The following MARCHF1 variants were observed in gnomAD, a reference collection of about 807,000 sequenced individuals.
The protein encoded by MARCHF1 is E3 ubiquitin-protein ligase MARCHF1.
MARCHF1 carries 40 observed loss-of-function variants against 54.2 expected under a neutral mutation model. The ratio of observed to expected loss-of-function variants is 0.74; its 90% CI spans 0.57 to 0.96. The LOEUF is 0.96. MARCHF1 is among the 40% of genes least tolerant of loss of function. MARCHF1 has a pLI of 0.00. For synonymous variants in MARCHF1, 236 were observed against 236.3 expected (o/e 1.00, Z 0.01); for missense variants, 586 against 656.5 (o/e 0.89, Z 1.17).
At chr4:163,913,448 C>T (rs1488647665) in intron 3 of MARCHF1, among the ~76,000 whole-genome samples, 2 of 152,136 alleles carry the variant, frequency 1.3e-5, no homozygotes, top group South Asian at 4.1e-4. Context: ...TTTTTCAGTG[C>T]TCTAGTCTTA....
intron 5 of MARCHF1, among the ~76,000 whole-genome samples, chr4:163,666,252 C>T (rs780534495): frequency 1.1e-4 from 17 of 152,200 alleles, no homozygotes; most frequent in Middle Eastern, 3.4e-3. Context: ...AAGTTTTGAC[C>T]TTGATAACAT....
Position 163,772,058 on chromosome 4 carries a change from T to G in MARCHF1, c.112-71195A>C, listed in dbSNP as rs1438778058. Among the ~76,000 whole-genome samples the G allele has an allele frequency of 2.0e-5, 3 of 152,280 alleles. No individual in the cohort carries two copies. The East Asian group carries it at 5.8e-4, about 29-fold the overall frequency. On this transcript the variant is annotated intron_variant, in intron 4 of 9. Transcript: ENST00000514618. The stretch of plus-strand genomic sequence containing the variant: ...AGCAGAGGCATCACCTGGGAGTTTG[T>G]TAGAATCTCAGGCTCCAATTCAGAC...
chr4:164,371,761 T>C (rs954198280), intron 1 of MARCHF1, among the ~76,000 whole-genome samples: 6 of 152,186 alleles, frequency 3.9e-5, no homozygotes, highest in Non-Finnish European at 5.9e-5. Flanking sequence ...AAAACCAATA[T>C]GGAAAGATAG....
chr4:164,028,956 C>T (rs1374218554), intron 2 of MARCHF1, among the ~76,000 whole-genome samples: 1 of 152,102 alleles, frequency 6.6e-6, no homozygotes, highest in Non-Finnish European at 1.5e-5. Flanking sequence ...TGTATTGACT[C>T]ATAGTAACTT....
intron 1 of MARCHF1, among the ~76,000 whole-genome samples, chr4:164,224,464 A>G (rs1732197038): frequency 6.6e-6 from 1 of 151,582 alleles, no homozygotes; most frequent in Admixed American, 6.6e-5. Flanking sequence ...AAAAATCTCT[A>G]CCCAAACTCC....
At chr4:163,901,632 T>C (rs1256453942) in intron 3 of MARCHF1, among the ~76,000 whole-genome samples, 2 of 152,210 alleles carry the variant, frequency 1.3e-5, no homozygotes, top group Admixed American at 6.5e-5. Flanking sequence ...TAGAAAAGCA[T>C]AGACTGACAA....
chr4:163,551,836 T>G (rs1363325378), intron 8 of MARCHF1, among the ~76,000 whole-genome samples: 1 of 152,184 alleles, frequency 6.6e-6, no homozygotes, highest in East Asian at 1.9e-4. Context: ...AAGACATGCC[T>G]TTCACTGTCT....
At chr4:163,883,272 AGAG>A (rs1750459030) in intron 3 of MARCHF1, among the ~76,000 whole-genome samples, 2 of 151,554 alleles carry the variant, frequency 1.3e-5, no homozygotes, top group Non-Finnish European at 1.5e-5. Flanking sequence ...AGAGAGAGAG[AGAG>A]AGAGAGAGAG....
At chr4:164,076,420 C>A (rs547053765) in intron 2 of MARCHF1, among the ~76,000 whole-genome samples, 2 of 152,090 alleles carry the variant, frequency 1.3e-5, no homozygotes, top group East Asian at 1.9e-4. Flanking sequence ...TATGACAAAG[C>A]CACAGCCAAT....
chr4:164,254,771 T>C (rs572620114), intron 1 of MARCHF1, among the ~76,000 whole-genome samples: 1 of 152,254 alleles, frequency 6.6e-6, no homozygotes, highest in East Asian at 1.9e-4. Flanking sequence ...CTCCCTTTCA[T>C]GTTTTTCTGC....
At chr4:164,012,374 G>T (rs1206267844) in intron 2 of MARCHF1, among the ~76,000 whole-genome samples, 1 of 152,090 alleles carries the variant, frequency 6.6e-6, no homozygotes, top group Non-Finnish European at 1.5e-5. Context: ...TGAAGCATCA[G>T]GAAGATTCCT....
intron 2 of MARCHF1, among the ~76,000 whole-genome samples, chr4:163,995,038 A>C (rs4453901): frequency 0.92 from 139,450 of 151,968 alleles, 65,127 homozygotes; most frequent in East Asian, 1. Flanking sequence ...GTGTCACCCA[A>C]ATTCAGTTCT....
chr4:163,857,037 A>AAT (rs1479917341), intron 3 of MARCHF1, among the ~76,000 whole-genome samples: 1 of 149,956 alleles, frequency 6.7e-6, no homozygotes, highest in East Asian at 1.9e-4. Context: ...TAAATAAATA[A>AAT]ATAAATAAAT....
At chr4:163,743,993 TAGTGAGA>T (rs771172170) in intron 4 of MARCHF1, among the ~76,000 whole-genome samples, 1 of 152,216 alleles carries the variant, frequency 6.6e-6, no homozygotes, top group Non-Finnish European at 1.5e-5. Flanking sequence ...ACCTCGGTTT[TAGTGAGA>T]AGTGAGAAGT....
intron 3 of MARCHF1, among the ~76,000 whole-genome samples, chr4:163,941,718 A>C (rs192341499): frequency 6.6e-6 from 1 of 152,256 alleles, no homozygotes; most frequent in Admixed American, 6.5e-5. Flanking sequence ...TAAGTACCCA[A>C]GTTTTCTCAT....
At chr4:164,040,802 G>A (rs1754112476) in intron 2 of MARCHF1, among the ~76,000 whole-genome samples, 1 of 151,898 alleles carries the variant, frequency 6.6e-6, no homozygotes, top group South Asian at 2.1e-4. Context: ...TGTGCTTGGA[G>A]AACTTCCAGT....
intron 7 of MARCHF1, among the ~76,000 whole-genome samples, chr4:163,605,726 A>G (rs1264763312): frequency 6.6e-6 from 1 of 152,228 alleles, no homozygotes; most frequent in Non-Finnish European, 1.5e-5. Flanking sequence ...TTATGCAGCC[A>G]TAAAAAAGGA....
intron 5 of MARCHF1, among the ~76,000 whole-genome samples, chr4:163,679,214 T>C (rs1015822493): frequency 2.6e-5 from 4 of 152,236 alleles, no homozygotes. Flanking sequence ...ATGTTTGAAC[T>C]GGTGGTATGG....
At chr4:164,069,732 G>T (rs1367492830) in intron 2 of MARCHF1, among the ~76,000 whole-genome samples, 1 of 152,104 alleles carries the variant, frequency 6.6e-6, no homozygotes, top group East Asian at 1.9e-4. Flanking sequence ...GTGAGACCAA[G>T]AACCCACCAA....
Sources: gnomAD v4.1 joint callset for allele counts (sites outside exome capture counted in the v4.1 genomes callset) on GRCh38, gnomAD v4.1.1 for gene constraint, MANE v1.5 for transcripts, NCBI Gene and HGNC (gene_info 2026-07-23, HGNC 2026-07-21) for gene names.